Variants in SLC15A2 observed in about 807,000 individuals in gnomAD.
The protein encoded by SLC15A2 is kidney H(+)/peptide cotransporter.
In SLC15A2, 77 loss-of-function variants were observed where a neutral mutation model predicts 95.5. That is an observed-to-expected ratio of 0.81 (90% confidence interval 0.67 to 0.97). The LOEUF (loss-of-function observed/expected upper bound fraction) is 0.97, where lower values mean the gene tolerates loss of function less well. Ranked by LOEUF, SLC15A2 falls within the 50% of genes least tolerant of loss-of-function variation. The pLI is 0.00. For synonymous variants in SLC15A2, 306 were observed against 306.9 expected, an observed-to-expected ratio of 1.00 and a Z score of 0.03; for missense variants, 893 against 874.4, an observed-to-expected ratio of 1.02 and a Z score of -0.27.
In SLC15A2 at chr3:121,923,026, C is replaced by T; in HGVS notation, c.868-14C>T. On this transcript the variant is annotated splice_polypyrimidine_tract_variant and intron_variant, in intron 9 of 21. Transcript: ENST00000489711. ...ACTTCTAGCATTTCTGCCCATTCTT[C>T]CTCCTTTTCGCAGAAGCAGCTCATT... 1 of 1,612,498 alleles carries T rather than the reference C, an allele frequency of 6.2e-7. No homozygotes were observed. The highest frequency in any genetic ancestry group is 8.5e-7 in the Non-Finnish European group (1 of 1,178,824).
At chr3:121,894,621 C>A (rs368067789) in intron 1 of SLC15A2, 40 bp downstream of exon 1, 3 of 1,507,482 alleles carry the variant, frequency 2.0e-6, no homozygotes, top group Non-Finnish European at 2.8e-6. Context: ...AGAGGAATGG[C>A]CTCCCTCTTT....
At chr3:121,927,713 T>C in intron 13 of SLC15A2, 45 bp from the exon 14 acceptor site, 1 of 1,440,592 alleles carries the variant, frequency 6.9e-7, no homozygotes, top group Non-Finnish European at 9.8e-7. Flanking sequence ...TTTCATCCTT[T>C]AGAGTCTAAA....
intron 2 of SLC15A2, among the ~76,000 whole-genome samples, chr3:121,897,051 T>C (rs1051207939): frequency 2.0e-5 from 3 of 149,738 alleles, no homozygotes; most frequent in African/African-American, 7.4e-5. Context: ...AGATAAGAGG[T>C]CTTATCATCT....
chr3:121,930,713 G>A (rs1413822174), intron 17 of SLC15A2, 127 bp from the exon 18 acceptor site: 7 of 602,628 alleles, frequency 1.2e-5, no homozygotes, highest in Non-Finnish European at 3.0e-6. Context: ...TACCTTTTAT[G>A]TGCCAGCCAC....
chr3:121,906,869 G>A (rs1219736573), intron 3 of SLC15A2, among the ~76,000 whole-genome samples: 1 of 151,884 alleles, frequency 6.6e-6, no homozygotes, highest in Admixed American at 6.6e-5. Flanking sequence ...GTATCTTTGT[G>A]GTGTTCTCTG....
chr3:121,925,726 CTATATATATATATATATATATATA>C (rs67563324), intron 13 of SLC15A2, among the ~76,000 whole-genome samples: 64 of 33,834 alleles, frequency 1.9e-3, no homozygotes, highest in East Asian at 2.3e-3. Context: ...AGGGGCTAGA[CTATATATATATATATATATATATA>C]TATATATATA....
intron 19 of SLC15A2, among the ~76,000 whole-genome samples, chr3:121,931,978 C>A (rs1710242773): frequency 1.3e-5 from 2 of 152,200 alleles, no homozygotes; most frequent in African/African-American, 4.8e-5. Context: ...CGACTCACTG[C>A]AACCTCTGCC....
At chr3:121,902,926 T>A (rs1283392103) in intron 3 of SLC15A2, among the ~76,000 whole-genome samples, 1 of 150,986 alleles carries the variant, frequency 6.6e-6, no homozygotes, top group African/African-American at 2.4e-5. Flanking sequence ...ATCCCTGTCT[T>A]CCACAATGGT....
At chr3:121,921,138 A>T (rs1250711532) in intron 7 of SLC15A2, among the ~76,000 whole-genome samples, 1 of 152,266 alleles carries the variant, frequency 6.6e-6, no homozygotes, top group African/African-American at 2.4e-5. Flanking sequence ...TGAAAGAAAC[A>T]GAATGAGCTC....
chr3:121,921,764 A>G (rs1710009712), intron 7 of SLC15A2, among the ~76,000 whole-genome samples: 1 of 152,234 alleles, frequency 6.6e-6, no homozygotes, highest in South Asian at 2.1e-4. Flanking sequence ...ACAAGTTGTG[A>G]AGTCCTGAAC....
In SLC15A2 at chr3:121,941,144, CA is replaced by C; in HGVS notation, c.*138del. The C allele has an allele frequency of 1.3e-6, 1 of 759,044 alleles. No homozygotes were observed. The highest frequency in any genetic ancestry group is 2.1e-6 in the Non-Finnish European group (1 of 480,902). 47.0% of individuals were successfully genotyped at this position (759,044 alleles called of 1,614,324 possible). On this transcript the variant is annotated 3_prime_UTR_variant, in exon 22 of 22. Coordinates refer to ENST00000489711, the MANE Select transcript of SLC15A2 (RefSeq NM_021082.4). ...CACCTTTCTCCAATGACAGAAGTTC[CA>C]GGACTGGTTTTCCAGTACATCTTTA...
chr3:121,897,364 G>A lies in SLC15A2; in HGVS notation c.194-24G>A, dbSNP rs183874847. 45 of 1,610,140 alleles carry A rather than the reference G, an allele frequency of 2.8e-5. No homozygotes were observed. The East Asian group carries it at 7.8e-4, about 28-fold the overall frequency. On this transcript the variant is annotated intron_variant, in intron 2 of 21. Transcript: ENST00000489711. ...CATCTATCTTGTTTTGTCTCCCCACGCCTCCTTTTTTTTCCCACTACAGCT... is the reference window on the plus strand; with the variant it reads ...CATCTATCTTGTTTTGTCTCCCCACACCTCCTTTTTTTTCCCACTACAGCT...
intron 5 of SLC15A2, chr3:121,914,947 A>T (rs1709855824): frequency 9.1e-7 from 1 of 1,098,992 alleles, no homozygotes; most frequent in Admixed American, 3.4e-5. Flanking sequence ...ATAGCTATAT[A>T]CAGGATACGG....
At chr3:121,905,740 T>G (rs1273589268) in intron 3 of SLC15A2, among the ~76,000 whole-genome samples, 1 of 152,114 alleles carries the variant, frequency 6.6e-6, no homozygotes, top group Non-Finnish European at 1.5e-5. Context: ...TGTTTTTTTA[T>G]ATTTGCTGAG....
chr3:121,929,770 C>T (rs1710196403), intron 17 of SLC15A2, among the ~76,000 whole-genome samples: 1 of 152,088 alleles, frequency 6.6e-6, no homozygotes, highest in Admixed American at 6.5e-5. Context: ...TGGTATAGCA[C>T]ACATTTGGAG....
rs3762820 is a variant in SLC15A2, at chr3:121,927,959, C to A, written c.1206+120C>A. 3.1e-3 allele frequency: 2,202 copies of A among 710,062 alleles called. 63 individuals are homozygous for A. The East Asian group carries it at 0.055, about 18-fold the overall frequency. 44.0% of individuals were successfully genotyped at this position (710,062 alleles called of 1,614,324 possible). On this transcript the variant is annotated intron_variant, in intron 14 of 21. Coordinates refer to ENST00000489711, the MANE Select transcript of SLC15A2 (RefSeq NM_021082.4). ...CACAGTACCTGTTTTATAAGAGGTG[C>A]ATCATAAGTATTTGTGATAAATAAG...
chr3:121,941,940 T>C lies in SLC15A2; in HGVS notation c.*933T>C, dbSNP rs1710470998. 1 of 152,262 alleles carries C rather than the reference T, an allele frequency of 6.6e-6. No homozygotes were observed. The highest frequency in any genetic ancestry group is 2.1e-4 in the South Asian group (1 of 4,836). 9.4% of individuals were successfully genotyped at this position (152,262 alleles called of 1,614,324 possible). The stretch of plus-strand genomic sequence containing the variant: ...CTTGCTTATTGCAGCAAATATTCAA[T>C]AACAACAATGTTTCTATAAGTCCAA... On this transcript the variant is annotated 3_prime_UTR_variant, in exon 22 of 22. Coordinates refer to ENST00000489711, the MANE Select transcript of SLC15A2 (RefSeq NM_021082.4).
At chr3:121,936,165 G>A (rs59823080) in intron 19 of SLC15A2, among the ~76,000 whole-genome samples, 60,132 of 151,982 alleles carry the variant, frequency 0.4, 12,614 homozygotes, top group East Asian at 0.69. Flanking sequence ...TACATTTGCC[G>A]AGGAGAGCTT....
At chr3:121,902,177 G>A (rs1405884895) in intron 3 of SLC15A2, among the ~76,000 whole-genome samples, 1 of 152,048 alleles carries the variant, frequency 6.6e-6, no homozygotes, top group African/African-American at 2.4e-5. Context: ...ATGCATATTG[G>A]TTTCTCAAGG....
Sources: gnomAD v4.1 joint callset for allele counts (sites outside exome capture counted in the v4.1 genomes callset) on GRCh38, gnomAD v4.1.1 for gene constraint, MANE v1.5 for transcripts, NCBI Gene and HGNC (gene_info 2026-07-23, HGNC 2026-07-21) for gene names.